The following BCL11B variants were observed in gnomAD, a reference collection of about 807,000 sequenced individuals.
The protein encoded by BCL11B is BCL11 transcription factor B.
BCL11B carries 8 observed loss-of-function variants against 49.9 expected under a neutral mutation model. That is an observed-to-expected ratio of 0.16 (90% CI 0.09 to 0.29). BCL11B has a LOEUF of 0.29. Ranked by LOEUF, BCL11B falls within the 10% of genes least tolerant of loss-of-function variation. BCL11B has a pLI of 1.00. For missense variants in BCL11B, 1,006 were observed against 1,351.0 expected (o/e 0.74, Z 4.00); for synonymous variants, 739 against 637.4 (o/e 1.16, Z -2.40).
In BCL11B at chr14:99,174,920, G is replaced by A; in HGVS notation, c.1916C>T (p.Ala639Val). The change falls in exon 4 of 4, where the codon GCG (alanine) becomes GTG (valine). Residue 639 changes from alanine (A) to valine (V), a missense_variant. By Grantham distance (64) the Ala-to-Val change is moderately conservative (BLOSUM62 0). Around this residue, in one of 6 missense-constraint regions of BCL11B, gnomAD observed 443 missense variants for 499.7 expected, o/e 0.89. Coordinates refer to ENST00000357195, the MANE Select transcript of BCL11B (RefSeq NM_138576.4). Reference protein sequence around the residue: ...GGGDAGDDDDAGGCGDAGAGG... With the variant: ...GGGDAGDDDDVGGCGDAGAGG... ...CGCGCCCGCGTCCCCGCAGCCGCCC[G>A]CGTCGTCGTCGTCGCCCGCGTCCCC... is the stretch of plus-strand genomic sequence containing the variant. The A allele has an allele frequency of 8.1e-7, 1 of 1,230,392 alleles. No individual in the cohort carries two copies. The highest frequency in any genetic ancestry group is 4.5e-5 in the East Asian group (1 of 22,178). 76.2% of individuals were successfully genotyped at this position (1,230,392 alleles called of 1,614,324 possible). A position where few individuals can be genotyped will look rare whatever the true frequency, so the allele number is the denominator to read the frequency against.
chr14:99,231,645 C>A lies in BCL11B; in HGVS notation c.428-88G>T. 4.4e-6 allele frequency: 6 copies of A among 1,377,396 alleles called. No individual in the cohort carries two copies. In the South Asian group the frequency reaches 7.6e-5, roughly 17 times the overall value. 85.3% of individuals were successfully genotyped at this position (1,377,396 alleles called of 1,614,324 possible). A position where few individuals can be genotyped will look rare whatever the true frequency, so the allele number is the denominator to read the frequency against. On this transcript the variant is annotated intron_variant, in intron 2 of 3. Transcript: ENST00000357195. The surrounding 1 kb of genome is among the most constrained non-coding windows in gnomAD (Gnocchi z 8.1). Reference sequence around the variant, plus strand: ...GTGGGACGGGGCTCGGGGCGTGGGGCTCTGCTCAGGCCACCCTTCGGGGGT... The same window carrying A: ...GTGGGACGGGGCTCGGGGCGTGGGGATCTGCTCAGGCCACCCTTCGGGGGT...
At chr14:99,178,243 G>C (rs751090537) in intron 3 of BCL11B, among the ~76,000 whole-genome samples, 14 of 152,188 alleles carry the variant, frequency 9.2e-5, no homozygotes, top group Admixed American at 5.2e-4. Flanking sequence ...GACGGTGGTA[G>C]GGAGGACAGA....
intron 3 of BCL11B, among the ~76,000 whole-genome samples, chr14:99,226,317 C>T (rs1002391209): frequency 3.9e-5 from 6 of 152,196 alleles, no homozygotes; most frequent in Admixed American, 6.5e-5. Context: ...CTTCCCACGA[C>T]GGAGCTCTGC....
At chr14:99,186,817 C>T (rs1397797041) in intron 3 of BCL11B, among the ~76,000 whole-genome samples, 1 of 152,190 alleles carries the variant, frequency 6.6e-6, no homozygotes. Context: ...CTCAATATAA[C>T]AAAAGGATGC....
chr14:99,206,071 A>C (rs1373661314), intron 3 of BCL11B, among the ~76,000 whole-genome samples: 3 of 152,152 alleles, frequency 2.0e-5, no homozygotes, highest in African/African-American at 7.2e-5. Flanking sequence ...GGCCTCCTGG[A>C]CCAGATTCTC....
rs182731008 is a variant in BCL11B, at chr14:99,192,503, C to T, written c.641-16308G>A. Among the ~76,000 whole-genome samples the T allele has an allele frequency of 7.9e-5, 12 of 152,308 alleles. No individual in the cohort carries two copies. In the South Asian group the frequency reaches 8.3e-4, roughly 11 times the overall value. On this transcript the variant is annotated intron_variant, in intron 3 of 3. Coordinates refer to ENST00000357195, the MANE Select transcript of BCL11B (RefSeq NM_138576.4). The surrounding 1 kb of genome is among the most constrained non-coding windows in gnomAD (Gnocchi z 4.0). ...CCGGCACGTTCTGGAGACCACAGCGCGCTACCTTTCACCTCGTCCTCGCCA... is the reference window on the plus strand; with the variant it reads ...CCGGCACGTTCTGGAGACCACAGCGTGCTACCTTTCACCTCGTCCTCGCCA...
chr14:99,203,896 G>A (rs1389778688), intron 3 of BCL11B, among the ~76,000 whole-genome samples: 4 of 145,956 alleles, frequency 2.7e-5, no homozygotes, highest in South Asian at 2.1e-4. Context: ...TTATCGCAAC[G>A]CCCCAAGCGC....
intron 3 of BCL11B, among the ~76,000 whole-genome samples, chr14:99,227,057 C>T (rs1485505646): frequency 6.6e-6 from 1 of 152,196 alleles, no homozygotes; most frequent in Non-Finnish European, 1.5e-5. Context: ...ACCAAGTACA[C>T]ATATTAATCA....
intron 1 of BCL11B, among the ~76,000 whole-genome samples, chr14:99,267,191 A>C (rs1404833697): frequency 6.6e-6 from 1 of 152,076 alleles, no homozygotes; most frequent in Non-Finnish European, 1.5e-5. Context: ...AGAAATGCCT[A>C]GTTTTCTGTT....
chr14:99,174,588 G>A lies in BCL11B; in HGVS notation c.2248C>T (p.Leu750=). ...SSEHSSENGS[L]RFSTPPGDLL... Reference sequence around the variant, plus strand: ...TCCCCGGGCGGCGTGGAGAAGCGCAGGCTGCCGTTCTCGGACGAGTGCTCG... The same window carrying A: ...TCCCCGGGCGGCGTGGAGAAGCGCAAGCTGCCGTTCTCGGACGAGTGCTCG... The change falls in exon 4 of 4, where the codon CTG becomes TTG. Residue 750 remains leucine, a synonymous_variant. Coordinates refer to ENST00000357195, the MANE Select transcript of BCL11B (RefSeq NM_138576.4). 1 of 1,527,362 alleles carries A rather than the reference G, an allele frequency of 6.5e-7. No homozygotes were observed. The highest frequency in any genetic ancestry group is 8.8e-7 in the Non-Finnish European group (1 of 1,140,234). 94.6% of individuals were successfully genotyped at this position (1,527,362 alleles called of 1,614,324 possible).
At chr14:99,217,558 C>T (rs1887889340) in intron 3 of BCL11B, among the ~76,000 whole-genome samples, 1 of 152,196 alleles carries the variant, frequency 6.6e-6, no homozygotes, top group Non-Finnish European at 1.5e-5. Flanking sequence ...TTGGTTATTT[C>T]TTGCAGGTCC....
intron 2 of BCL11B, among the ~76,000 whole-genome samples, chr14:99,244,544 G>GAT (rs1385956347): frequency 9.8e-5 from 15 of 152,338 alleles, no homozygotes; most frequent in South Asian, 8.3e-4. Context: ...TTCAAAGGCG[G>GAT]ATTCTATCTT....
At chr14:99,243,918 TAAAAAAAA>T (rs200999902) in intron 2 of BCL11B, among the ~76,000 whole-genome samples, 54 of 128,136 alleles carry the variant, frequency 4.2e-4, no homozygotes, top group South Asian at 9.2e-4. Flanking sequence ...ACATTGCTCC[TAAAAAAAA>T]AAAAAAAAAA....
At position 99,173,805 on chromosome 14, in the gene BCL11B, T is replaced by TAA. The variant is rs144498557; in HGVS notation, c.*344_*345dup. 23 of 303,456 alleles carry TAA rather than the reference T, an allele frequency of 7.6e-5. No individual in the cohort carries two copies. The highest frequency in any genetic ancestry group is 2.0e-4 in the African/African-American group (9 of 44,604). 18.8% of individuals were successfully genotyped at this position (303,456 alleles called of 1,614,324 possible). ...GTCATTGCTCAGGCTACTACCGGGT[T>TAA]AAAAAAAAAACAAAGAAGGGATGGA... On this transcript the variant is annotated 3_prime_UTR_variant, in exon 4 of 4. Coordinates refer to ENST00000357195, the MANE Select transcript of BCL11B (RefSeq NM_138576.4).
intron 3 of BCL11B, among the ~76,000 whole-genome samples, chr14:99,229,808 T>A (rs1181553839): frequency 6.6e-6 from 1 of 152,152 alleles, no homozygotes; most frequent in South Asian, 2.1e-4. Flanking sequence ...GCTGCAGCGC[T>A]AATGACAGGA....
At chr14:99,179,273 A>T (rs1315594587) in intron 3 of BCL11B, among the ~76,000 whole-genome samples, 1 of 152,114 alleles carries the variant, frequency 6.6e-6, no homozygotes, top group Non-Finnish European at 1.5e-5. Context: ...CAGGAGTTCA[A>T]GACCAGCCTG....
chr14:99,216,881 G>A (rs1248297752), intron 3 of BCL11B, among the ~76,000 whole-genome samples: 1 of 151,740 alleles, frequency 6.6e-6, no homozygotes, highest in Non-Finnish European at 1.5e-5. Context: ...ACACATATGT[G>A]CACAGATACC....
intron 3 of BCL11B, among the ~76,000 whole-genome samples, chr14:99,201,852 T>C (rs1447877967): frequency 6.6e-6 from 1 of 152,178 alleles, no homozygotes; most frequent in Non-Finnish European, 1.5e-5. Flanking sequence ...TCCCGGGCTC[T>C]ATGCCAGGGT....
chr14:99,257,685 C>G lies in BCL11B; in HGVS notation c.213G>C (p.Leu71=), dbSNP rs1465031736. The G allele has an allele frequency of 6.2e-7, 1 of 1,612,440 alleles. No homozygotes were observed. Among genetic ancestry groups the G allele is most frequent in the Non-Finnish European group, 8.5e-7 (1 of 1,178,898 alleles). The change falls in exon 2 of 4, where the codon CTG becomes CTC. Residue 71 remains leucine, a synonymous_variant. Transcript: ENST00000357195. This position sits in a 1 kb window ranked among gnomAD's most constrained non-coding sequence, Gnocchi z 6.2. ...CQMNFPLGDI[L]VFIEHKRKQC... The stretch of plus-strand genomic sequence containing the variant: ...GCTTCCTTTTGTGCTCTATAAAAAC[C>G]AGGATGTCCCCCAAGGGGAAGTTCA...
Sources: gnomAD v4.1 joint callset for allele counts (sites outside exome capture counted in the v4.1 genomes callset) on GRCh38, gnomAD v4.1.1 for gene constraint, gnomAD v4.1.1 regional missense constraint, Gnocchi (gnomAD v3.1) non-coding constraint, MANE v1.5 for transcripts, NCBI Gene and HGNC (gene_info 2026-07-23, HGNC 2026-07-21) for gene names.